The following PDE7B variants were observed in gnomAD, a reference collection of about 807,000 sequenced individuals.
PDE7B encodes the protein phosphodiesterase 7B, also known as 3',5'-cyclic-AMP phosphodiesterase 7B.
PDE7B carries 29 observed loss-of-function variants against 56.2 expected under a neutral mutation model. The observed-to-expected ratio is 0.52, with a 90% CI of 0.38 to 0.70. PDE7B has a LOEUF of 0.70. Ranked by LOEUF, PDE7B falls within the 30% of genes least tolerant of loss-of-function variation. The probability of loss-of-function intolerance (pLI) is 0.00; values close to 1 mark genes in which losing one functional copy is unlikely to be tolerated. For missense variants in PDE7B, 490 were observed against 565.0 expected, an observed-to-expected ratio of 0.87 and a Z score of 1.35; for synonymous variants, 197 against 196.9, an observed-to-expected ratio of 1.00 and a Z score of 0.00.
At chr6:136,178,817 A>G (rs1183339770) in intron 9 of PDE7B, among the ~76,000 whole-genome samples, 180 bp from the exon 10 acceptor site, 1 of 152,224 alleles carries the variant, frequency 6.6e-6, no homozygotes, top group Non-Finnish European at 1.5e-5. Flanking sequence ...TTCCTGTCCA[A>G]GGACGCAACT....
intron 8 of PDE7B, among the ~76,000 whole-genome samples, chr6:136,167,765 T>C (rs1412214247): frequency 2.2e-4 from 34 of 152,188 alleles, no homozygotes; most frequent in Non-Finnish European, 4.4e-5. Flanking sequence ...ATCAAGTAAT[T>C]TGTTCTCTTA....
At chr6:135,876,745 C>A (rs1028215062) in intron 1 of PDE7B, among the ~76,000 whole-genome samples, 1 of 151,916 alleles carries the variant, frequency 6.6e-6, no homozygotes, top group African/African-American at 2.4e-5. Flanking sequence ...TGTAATCCCA[C>A]CTACTCAGGA....
At chr6:136,065,446 G>A (rs1004136032) in intron 2 of PDE7B, among the ~76,000 whole-genome samples, 2 of 152,098 alleles carry the variant, frequency 1.3e-5, no homozygotes, top group Admixed American at 1.3e-4. Context: ...AACTTCTATT[G>A]TAGTTAATGG....
intron 2 of PDE7B, among the ~76,000 whole-genome samples, chr6:136,077,015 A>C (rs1169314050): frequency 6.7e-6 from 1 of 149,420 alleles, no homozygotes; most frequent in Non-Finnish European, 1.5e-5. Context: ...GCAAGATGTC[A>C]ATTTCTTTCT....
At chr6:135,942,393 A>G (rs1013835240) in intron 1 of PDE7B, among the ~76,000 whole-genome samples, 2 of 152,148 alleles carry the variant, frequency 1.3e-5, no homozygotes, top group Non-Finnish European at 2.9e-5. Flanking sequence ...ATATATATCT[A>G]TTGTGTACAG....
intron 2 of PDE7B, among the ~76,000 whole-genome samples, chr6:136,036,931 G>C (rs1224386930): frequency 1.3e-5 from 2 of 152,174 alleles, no homozygotes; most frequent in Admixed American, 6.5e-5. Flanking sequence ...CCCTACTTTC[G>C]TTTCTGTCCA....
chr6:135,976,943 T>C (rs76071625), intron 2 of PDE7B, among the ~76,000 whole-genome samples: 4,645 of 152,202 alleles, frequency 0.031, 210 homozygotes, highest in African/African-American at 0.099. Flanking sequence ...CTTTACCTAG[T>C]GTAGGACCTC....
chr6:136,113,328 T>A (rs534902389), intron 3 of PDE7B, among the ~76,000 whole-genome samples: 9 of 152,304 alleles, frequency 5.9e-5, no homozygotes, highest in Middle Eastern at 3.4e-3. Context: ...ATTCCAGGAA[T>A]AAAGATTAGA....
At chr6:135,935,186 T>TTTTATATATATATATTTA (rs1404954510) in intron 1 of PDE7B, among the ~76,000 whole-genome samples, 10 of 38,442 alleles carry the variant, frequency 2.6e-4, no homozygotes, top group South Asian at 2.0e-3. Context: ...ATATATATAT[T>TTTTATATATATATATTTA]TATTTATATA....
intron 2 of PDE7B, among the ~76,000 whole-genome samples, chr6:136,004,575 C>G (rs1775740859): frequency 6.6e-6 from 1 of 151,404 alleles, no homozygotes; most frequent in African/African-American, 2.4e-5. Context: ...AAACAGAGAG[C>G]CAAATCATGA....
rs188718292 is a variant in PDE7B, at chr6:135,929,455, G to A, written c.22-18009G>A. 1.7e-4 allele frequency among the ~76,000 whole-genome samples: 26 copies of A among 152,148 alleles called. No individual in the cohort carries two copies. The East Asian group carries it at 5.0e-3, about 29-fold the overall frequency. ...TATAAAATATACTGCAGATTTCAAA[G>A]ACTTAGTCCAAAAAAGTAAAATACT... On this transcript the variant is annotated intron_variant, in intron 1 of 12. Coordinates refer to ENST00000308191, the MANE Select transcript of PDE7B (RefSeq NM_018945.4).
In PDE7B at chr6:136,123,302, G is replaced by A. The variant is rs138124365; in HGVS notation, c.166+14488G>A. ...GCCCAGGAGTTCAAGGCTGTGATGAGCTGGAAGATACCAACTCTATAAAGT... is the reference window on the plus strand; with the variant it reads ...GCCCAGGAGTTCAAGGCTGTGATGAACTGGAAGATACCAACTCTATAAAGT... On this transcript the variant is annotated intron_variant, in intron 3 of 12. Transcript: ENST00000308191. Among the ~76,000 whole-genome samples the A allele has an allele frequency of 3.5e-4, 53 of 152,272 alleles. 2 individuals carry two copies. The highest frequency in any genetic ancestry group is 1.3e-3 in the African/African-American group (52 of 41,540).
At chr6:136,110,217 G>C (rs999069834) in intron 3 of PDE7B, among the ~76,000 whole-genome samples, 2 of 152,076 alleles carry the variant, frequency 1.3e-5, no homozygotes, top group African/African-American at 4.8e-5. Context: ...TTGGAAGACC[G>C]AATTGAGCCA....
At chr6:135,942,726 A>G (rs983306189) in intron 1 of PDE7B, among the ~76,000 whole-genome samples, 7 of 152,114 alleles carry the variant, frequency 4.6e-5, no homozygotes, top group Non-Finnish European at 7.4e-5. Context: ...TGAATTCAAC[A>G]TAGAAGTGAG....
intron 2 of PDE7B, among the ~76,000 whole-genome samples, chr6:136,087,473 A>C (rs1562489749): frequency 1.3e-5 from 2 of 152,258 alleles, no homozygotes; most frequent in Non-Finnish European, 2.9e-5. Flanking sequence ...ATCACAAAGT[A>C]AGAAGAGCAA....
At chr6:136,137,043 G>C (rs1446688791) in intron 3 of PDE7B, among the ~76,000 whole-genome samples, 1 of 152,036 alleles carries the variant, frequency 6.6e-6, no homozygotes, top group Non-Finnish European at 1.5e-5. Flanking sequence ...AATGGTTTCT[G>C]ACTTTGGGGT....
chr6:136,046,208 A>C (rs1229878707), intron 2 of PDE7B: 1 of 141,830 alleles, frequency 7.1e-6, no homozygotes, highest in Non-Finnish European at 1.5e-5. Flanking sequence ...ACTACAAAGA[A>C]ACATTCAAAT....
chr6:135,945,073 ATCACTTT>A (rs3037797), intron 1 of PDE7B, among the ~76,000 whole-genome samples: 1 of 151,750 alleles, frequency 6.6e-6, no homozygotes, highest in Non-Finnish European at 1.5e-5. Flanking sequence ...TTTCACTTTA[ATCACTTT>A]AAACATAATC....
chr6:135,921,092 G>A (rs1774069528), intron 1 of PDE7B, among the ~76,000 whole-genome samples: 2 of 152,160 alleles, frequency 1.3e-5, no homozygotes, highest in Non-Finnish European at 2.9e-5. Flanking sequence ...ATTAAAGTCA[G>A]TGAGTGTAGA....
Sources: allele counts gnomAD v4.1 joint callset (sites outside exome capture counted in the v4.1 genomes callset), GRCh38; gene constraint gnomAD v4.1.1; transcripts MANE v1.5; gene names NCBI Gene and HGNC (gene_info 2026-07-23, HGNC 2026-07-21).